Variants in FABP7 observed in about 807,000 individuals in gnomAD.
FABP7 encodes the protein fatty acid binding protein 7, also known as fatty acid-binding protein, brain.
A neutral mutation model predicts 14.2 loss-of-function variants in FABP7; 13 were observed. The ratio of observed to expected loss-of-function variants is 0.91; its 90% confidence interval spans 0.59 to 1.45. The LOEUF is 1.45. FABP7 is among the 40% of genes most tolerant of loss of function. FABP7 has a pLI of 0.00. For missense variants in FABP7, 149 were observed against 157.6 expected, an observed-to-expected ratio of 0.95 and a Z score of 0.29; for synonymous variants, 49 against 51.4, an observed-to-expected ratio of 0.95 and a Z score of 0.20.
chr6:122,783,651 G>T (rs558730572), intron 3 of FABP7, 66 bp from the exon 4 acceptor site: 5 of 1,547,040 alleles, frequency 3.2e-6, no homozygotes, highest in South Asian at 2.6e-5. Flanking sequence ...CATATATGAT[G>T]ATCTTTAAAA....
upstream of FABP7, among the ~76,000 whole-genome samples, chr6:122,774,771 C>CAA (rs575030976): frequency 1.7e-4 from 18 of 105,540 alleles, no homozygotes; most frequent in African/African-American, 4.5e-4. Flanking sequence ...AAGACTCTTC[C>CAA]AAAAAAAAAA....
chr6:122,778,088 A>G (rs1014007222), upstream of FABP7, among the ~76,000 whole-genome samples: 1 of 152,038 alleles, frequency 6.6e-6, no homozygotes, highest in Non-Finnish European at 1.5e-5. Flanking sequence ...CCAAACTGTA[A>G]TCTGACCACC....
the FABP7 span, among the ~76,000 whole-genome samples, chr6:122,750,940 C>T: frequency 1.3e-5 from 2 of 152,118 alleles, no homozygotes; most frequent in Non-Finnish European, 2.9e-5. Context: ...TGTTTTCATG[C>T]CAATTATGCT....
At chr6:122,765,045 T>C in the FABP7 span, among the ~76,000 whole-genome samples, 1 of 152,196 alleles carries the variant, frequency 6.6e-6, no homozygotes, top group Non-Finnish European at 1.5e-5. Context: ...TGCCAGTTGA[T>C]TGATTTTCAA....
At chr6:122,773,285 T>C in the FABP7 span, among the ~76,000 whole-genome samples, 3 of 152,158 alleles carry the variant, frequency 2.0e-5, no homozygotes, top group Non-Finnish European at 2.9e-5. Flanking sequence ...GCTGATATGA[T>C]CTAAATTACC....
chr6:122,778,893 T>A (rs149501011), upstream of FABP7, among the ~76,000 whole-genome samples: 12 of 152,312 alleles, frequency 7.9e-5, no homozygotes, highest in Admixed American at 2.0e-4. Flanking sequence ...CTGTCCAGTT[T>A]TTCCACATGG....
At chr6:122,749,497 T>C in the FABP7 span, among the ~76,000 whole-genome samples, 1 of 152,206 alleles carries the variant, frequency 6.6e-6, no homozygotes, top group African/African-American at 2.4e-5. Flanking sequence ...AAAAGAAGTG[T>C]CTTTGTTTCT....
chr6:122,752,793 A>G, the FABP7 span, among the ~76,000 whole-genome samples: 2 of 152,044 alleles, frequency 1.3e-5, no homozygotes, highest in Non-Finnish European at 2.9e-5. Flanking sequence ...CCAACCCAAA[A>G]TTTTAGCCAT....
In FABP7 at chr6:122,779,973, A is replaced by C; in HGVS notation, c.73+106A>C. On this transcript the variant is annotated intron_variant, in intron 1 of 3. Transcript: ENST00000368444. Reference sequence around the variant, plus strand: ...TCAGCAAGAGGCAAAGACAGATCACATTGCCCTGATCAGATGCTAGGCTAT... The same window carrying C: ...TCAGCAAGAGGCAAAGACAGATCACCTTGCCCTGATCAGATGCTAGGCTAT... 3 of 1,074,056 alleles carry C rather than the reference A, an allele frequency of 2.8e-6. No homozygotes were observed. The South Asian group carries it at 4.1e-5, about 15-fold the overall frequency. 66.5% of individuals were successfully genotyped at this position (1,074,056 alleles called of 1,614,324 possible). A position where few individuals can be genotyped will look rare whatever the true frequency, so the allele number is the denominator to read the frequency against.
the FABP7 span, among the ~76,000 whole-genome samples, chr6:122,754,013 A>G: frequency 6.6e-6 from 1 of 152,076 alleles, no homozygotes; most frequent in Admixed American, 6.5e-5. Flanking sequence ...TGGTCCTTTT[A>G]TTACTTAGGC....
At chr6:122,774,462 CT>C in the FABP7 span, among the ~76,000 whole-genome samples, 1 of 150,202 alleles carries the variant, frequency 6.7e-6, no homozygotes, top group Non-Finnish European at 1.5e-5. Context: ...ACAACACAGT[CT>C]CTGCTTTTTC....
chr6:122,753,784 G>GCCCCCCCCCC, the FABP7 span, among the ~76,000 whole-genome samples: 4 of 35,540 alleles, frequency 1.1e-4, no homozygotes, highest in African/African-American at 1.3e-4. Flanking sequence ...TCCAAATCCC[G>GCCCCCCCCCC]CCCCCCCCCC....
upstream of FABP7, among the ~76,000 whole-genome samples, chr6:122,777,268 T>C (rs1168283631): frequency 6.6e-6 from 1 of 152,180 alleles, no homozygotes; most frequent in Non-Finnish European, 1.5e-5. Flanking sequence ...AAACAACTGT[T>C]TGAGAACATT....
the FABP7 span, among the ~76,000 whole-genome samples, chr6:122,756,340 T>G: frequency 3.3e-5 from 5 of 152,216 alleles, no homozygotes; most frequent in Non-Finnish European, 7.4e-5. Flanking sequence ...TACAGTGAGG[T>G]AACTATTTCA....
At chr6:122,780,010 T>C (rs925470156) in intron 1 of FABP7, 143 bp downstream of exon 1, 3 of 857,934 alleles carry the variant, frequency 3.5e-6, no homozygotes, top group Non-Finnish European at 5.5e-6. Context: ...CATTTTCCAC[T>C]GAATGGATTT....
At chr6:122,757,991 G>A in the FABP7 span, among the ~76,000 whole-genome samples, 1 of 151,924 alleles carries the variant, frequency 6.6e-6, no homozygotes, top group African/African-American at 2.4e-5. Context: ...CCTGAGGACA[G>A]AGTGAACAAT....
At chr6:122,769,786 A>G in the FABP7 span, among the ~76,000 whole-genome samples, 1 of 152,174 alleles carries the variant, frequency 6.6e-6, no homozygotes, top group African/African-American at 2.4e-5. Flanking sequence ...TTTTAAAAAC[A>G]ACAGCAAAAA....
chr6:122,783,875 T>C lies in FABP7; in HGVS notation c.*108T>C. 1 of 905,290 alleles carries C rather than the reference T, an allele frequency of 1.1e-6. No homozygotes were observed. Among genetic ancestry groups the C allele is most frequent in the Non-Finnish European group, 1.7e-6 (1 of 592,050 alleles). 56.1% of individuals were successfully genotyped at this position (905,290 alleles called of 1,614,324 possible). On this transcript the variant is annotated 3_prime_UTR_variant, in exon 4 of 4. Transcript: ENST00000368444. ...TGATCATTAATTAGAAGGTTATCCT[T>C]GGTGTGGAGGTGGAAAATGGTGATT...
intron 3 of FABP7, chr6:122,781,471 T>C (rs1780782401): frequency 7.3e-7 from 1 of 1,378,334 alleles, no homozygotes; most frequent in Non-Finnish European, 9.4e-7. Context: ...TGCCTAAAAC[T>C]GTGTCAAAAG....
Sources: gnomAD v4.1 joint callset for allele counts (sites outside exome capture counted in the v4.1 genomes callset) on GRCh38, gnomAD v4.1.1 for gene constraint, MANE v1.5 for transcripts, NCBI Gene and HGNC (gene_info 2026-07-23, HGNC 2026-07-21) for gene names.